UTP20: variants seen among roughly 807,000 people sequenced by gnomAD.
UTP20 encodes the protein small subunit processome component 20 homolog.
A neutral mutation model predicts 329.5 loss-of-function variants in UTP20; 164 were observed. The observed-to-expected ratio is 0.50, with a 90% CI of 0.44 to 0.57. UTP20 has a LOEUF of 0.57. Ranked by LOEUF, UTP20 falls within the 20% of genes least tolerant of loss-of-function variation. The pLI is 0.00. For synonymous variants in UTP20, 1,151 were observed against 1,159.3 expected (o/e 0.99, Z 0.14); for missense variants, 3,055 against 3,284.2 (o/e 0.93, Z 1.71).
intron 32 of UTP20, 79 bp downstream of exon 32, chr12:101,340,689 C>A: frequency 1.1e-6 from 1 of 880,056 alleles, no homozygotes; most frequent in Non-Finnish European, 1.8e-6. Flanking sequence ...AGCAATTTTA[C>A]TGGCTAGATT....
chr12:101,323,572 G>A (rs1420950928), intron 25 of UTP20, among the ~76,000 whole-genome samples: 1 of 151,742 alleles, frequency 6.6e-6, no homozygotes, highest in Non-Finnish European at 1.5e-5. Flanking sequence ...CATATTTTAG[G>A]TTTACTAGTG....
intron 36 of UTP20, among the ~76,000 whole-genome samples, 184 bp downstream of exon 36, chr12:101,344,934 C>CTTTT (rs11417670): frequency 3.1e-4 from 19 of 61,558 alleles, no homozygotes; most frequent in Non-Finnish European, 4.4e-4. Flanking sequence ...CTTTTTTTTG[C>CTTTT]TTTTTTTTTT....
In UTP20 at chr12:101,317,683, A is replaced by G. The variant is rs975645000; in HGVS notation, c.2738+20A>G. On this transcript the variant is annotated intron_variant, in intron 22 of 61. Coordinates refer to ENST00000261637, the MANE Select transcript of UTP20 (RefSeq NM_014503.3). ...AGCAAAGTAAGTTCACCATTGCTGAAAGATCACAGATCCACAGTTCTGGGA... is the reference window on the plus strand; with the variant it reads ...AGCAAAGTAAGTTCACCATTGCTGAGAGATCACAGATCCACAGTTCTGGGA... 4 of 1,587,424 alleles carry G rather than the reference A, an allele frequency of 2.5e-6. No homozygotes were observed. Among genetic ancestry groups the G allele is most frequent in the Non-Finnish European group, 3.4e-6 (4 of 1,167,230 alleles).
At chr12:101,361,551 G>A (rs530818894) in intron 43 of UTP20, among the ~76,000 whole-genome samples, 10 of 151,968 alleles carry the variant, frequency 6.6e-5, no homozygotes, top group East Asian at 1.9e-4. Context: ...TCTTAAACTC[G>A]GGAGACGGAG....
intron 43 of UTP20, 74 bp from the exon 44 acceptor site, chr12:101,361,888 G>C: frequency 5.9e-6 from 7 of 1,185,848 alleles, no homozygotes; most frequent in Non-Finnish European, 8.8e-6. Context: ...TCTCTTTGCA[G>C]TGCTTCCTAG....
At chr12:101,312,621 G>GT (rs775640165) in intron 21 of UTP20, among the ~76,000 whole-genome samples, 13 of 152,124 alleles carry the variant, frequency 8.5e-5, no homozygotes, top group Non-Finnish European at 1.6e-4. Context: ...TGTATTTTTA[G>GT]TACAGACGGG....
chr12:101,319,591 C>G lies in UTP20; in HGVS notation c.2785C>G (p.Arg929Gly), dbSNP rs761755493. ...AGTTTTCTCTAAATTTTCAAATCCA[C>G]GGGCCTTATATCTGGAATCCAAACT... ...LQVFSKFSNP[R>G]ALYLESKLYE... Residue 929 changes from arginine (R) to glycine (G), a missense_variant, in exon 23 of 62, where the codon CGG (arginine) becomes GGG (glycine). Physicochemically the swap from Arg to Gly is moderately radical, Grantham distance 125. Transcript: ENST00000261637. 1 of 1,607,982 alleles carries G rather than the reference C, an allele frequency of 6.2e-7. No individual in the cohort carries two copies. The highest frequency in any genetic ancestry group is 8.5e-7 in the Non-Finnish European group (1 of 1,179,038).
chr12:101,308,380 C>T, intron 18 of UTP20, 37 bp downstream of exon 18: 1 of 1,369,304 alleles, frequency 7.3e-7, no homozygotes, highest in Non-Finnish European at 9.4e-7. Flanking sequence ...CTTTTTAATT[C>T]ATGCTTTAAA....
At chr12:101,292,134 C>A (rs1464454552) in intron 10 of UTP20, 30 bp downstream of exon 10, 9 of 1,607,136 alleles carry the variant, frequency 5.6e-6, no homozygotes, top group Non-Finnish European at 7.6e-6. Flanking sequence ...ATTAATTGAG[C>A]AGTTAATAAT....
chr12:101,345,582 T>A lies in UTP20; in HGVS notation c.4634T>A (p.Leu1545His). ...ATTCAGCAGGATTATACCACAATAC[T>A]TTCCTGTTTAATTCAAACCTTTCCA... ...ESIQQDYTTI[L>H]SCLIQTFPNQ... Residue 1545 changes from leucine to histidine, a missense_variant, in exon 37 of 62, where the codon CTT (leucine) becomes CAT (histidine). Around this residue, in one of 3 missense-constraint regions of UTP20, gnomAD observed 2,445 missense variants for 2,575.5 expected, o/e 0.95. Coordinates refer to ENST00000261637, the MANE Select transcript of UTP20 (RefSeq NM_014503.3). 6.2e-7 allele frequency: 1 copy of A among 1,603,006 alleles called. No individual in the cohort carries two copies. Among genetic ancestry groups the A allele is most frequent in the Non-Finnish European group, 8.5e-7 (1 of 1,170,904 alleles).
intron 31 of UTP20, among the ~76,000 whole-genome samples, chr12:101,339,479 G>A (rs764762813): frequency 7.9e-5 from 12 of 152,048 alleles, no homozygotes; most frequent in Non-Finnish European, 1.3e-4. Context: ...ACTAGAAACC[G>A]TTCATAGCAT....
chr12:101,316,271 G>A (rs1872968619), intron 21 of UTP20, among the ~76,000 whole-genome samples: 1 of 152,194 alleles, frequency 6.6e-6, no homozygotes, highest in African/African-American at 2.4e-5. Context: ...CATTTAGTGA[G>A]TACTCACTGT....
At chr12:101,380,011 A>G (rs1054652708) in intron 57 of UTP20, among the ~76,000 whole-genome samples, 2 of 152,082 alleles carry the variant, frequency 1.3e-5, no homozygotes, top group Admixed American at 6.6e-5. Context: ...GCATTGGAAA[A>G]TAAGATAAAT....
At chr12:101,315,341 G>A (rs144860262) in intron 21 of UTP20, among the ~76,000 whole-genome samples, 77 of 151,914 alleles carry the variant, frequency 5.1e-4, no homozygotes, top group African/African-American at 1.9e-3. Flanking sequence ...AAAATTAGCC[G>A]GGCCTGGTGG....
intron 12 of UTP20, among the ~76,000 whole-genome samples, chr12:101,297,026 C>T (rs899906789): frequency 3.3e-5 from 5 of 151,888 alleles, no homozygotes; most frequent in East Asian, 1.9e-4. Context: ...TAGTTAGACC[C>T]GTTGTTGTGT....
Position 101,353,122 on chromosome 12 carries a change from T to G in UTP20, c.5100T>G (p.Asn1700Lys). Residue 1700 changes from asparagine (N) to lysine (K), a missense_variant, in exon 40 of 62, where the codon AAT becomes AAG. By Grantham distance (94) the Asn-to-Lys change is moderately conservative. Transcript: ENST00000261637. ...AAGAACAAATGGGAAAAATTGAGAA[T>G]GAAGAAAGTAAGTTTCTTAAACTTT... The part of the protein sequence containing the change: ...TLEEQMGKIE[N>K]EENAIEAIEL... 1 of 1,595,596 alleles carries G rather than the reference T, an allele frequency of 6.3e-7. No individual in the cohort carries two copies. Among genetic ancestry groups the G allele is most frequent in the Non-Finnish European group, 8.6e-7 (1 of 1,166,646 alleles).
chr12:101,326,849 A>C (rs994839019), intron 25 of UTP20: 32 of 307,800 alleles, frequency 1.0e-4, no homozygotes, highest in African/African-American at 5.2e-4. Context: ...TCAGCCCCTC[A>C]GGTAGCTGGG....
In UTP20 at chr12:101,382,802, G is replaced by A. The variant is rs558732069; in HGVS notation, c.7657-239G>A. Among the ~76,000 whole-genome samples the A allele has an allele frequency of 3.6e-4, 54 of 150,890 alleles. 1 individual carries two copies. In the South Asian group the frequency reaches 0.01, roughly 28 times the overall value. ...TGGGAGGGGGATGTCACAGTGAGCC[G>A]AGATTGCACCACTGCCCTCAGCCTG... On this transcript the variant is annotated intron_variant, in intron 58 of 61. Transcript: ENST00000261637.
chr12:101,342,952 C>A lies in UTP20; in HGVS notation c.4308C>A (p.Phe1436Leu), dbSNP rs751110666. ...YITDVVKLNA[F>L]DQRHLDDINF... ...GGCATTTCTTATAGCTTAACGCCTT[C>A]GATCAAAGACATCTTGATGATATCA... Residue 1436 changes from phenylalanine (F) to leucine (L), a missense_variant, in exon 35 of 62, where the codon TTC becomes TTA. By Grantham distance (22) the Phe-to-Leu change is conservative. Around this residue, in one of 3 missense-constraint regions of UTP20, gnomAD observed 2,445 missense variants for 2,575.5 expected, o/e 0.95. Coordinates refer to ENST00000261637, the MANE Select transcript of UTP20 (RefSeq NM_014503.3). The A allele has an allele frequency of 1.9e-6, 3 of 1,612,834 alleles. No homozygotes were observed. The highest frequency in any genetic ancestry group is 2.2e-5 in the East Asian group (1 of 44,860).
Sources: allele counts gnomAD v4.1 joint callset (sites outside exome capture counted in the v4.1 genomes callset), GRCh38; gene constraint gnomAD v4.1.1; regional missense constraint gnomAD v4.1.1; transcripts MANE v1.5; gene names NCBI Gene and HGNC (gene_info 2026-07-23, HGNC 2026-07-21).